Variants in GPR137C observed in about 807,000 individuals in gnomAD.
GPR137C encodes the protein integral membrane protein GPR137C.
Under a neutral mutation model 43.4 loss-of-function variants are expected in GPR137C, and 27 were observed. The ratio of observed to expected loss-of-function variants is 0.62; its 90% confidence interval spans 0.46 to 0.86. The LOEUF (loss-of-function observed/expected upper bound fraction) is 0.86, where lower values mean the gene tolerates loss of function less well. Among genes scored for constraint, GPR137C ranks in the 40% least tolerant of loss-of-function variants. GPR137C has a pLI of 0.00. For missense variants in GPR137C, 522 were observed against 534.6 expected, an observed-to-expected ratio of 0.98 and a Z score of 0.23; for synonymous variants, 285 against 226.9, an observed-to-expected ratio of 1.26 and a Z score of -2.30.
At chr14:52,613,509 C>T (rs889948558) in intron 3 of GPR137C, 3 of 154,806 alleles carry the variant, frequency 1.9e-5, no homozygotes, top group African/African-American at 7.2e-5. Context: ...CCCTCCACTA[C>T]CCTTCCCAAC....
intron 1 of GPR137C, among the ~76,000 whole-genome samples, chr14:52,558,847 G>GA (rs542282672): frequency 1.1e-3 from 164 of 151,854 alleles, no homozygotes; most frequent in African/African-American, 3.2e-3. Flanking sequence ...AAGATCTTAG[G>GA]AAAAAAAATC....
chr14:52,600,512 T>C (rs2038911649), intron 3 of GPR137C, among the ~76,000 whole-genome samples, 171 bp downstream of exon 3: 1 of 152,198 alleles, frequency 6.6e-6, no homozygotes, highest in Non-Finnish European at 1.5e-5. Context: ...TATTCACAGA[T>C]GCAATCATTG....
chr14:52,569,441 G>C (rs184538968), intron 1 of GPR137C, among the ~76,000 whole-genome samples: 1 of 151,812 alleles, frequency 6.6e-6, no homozygotes, highest in African/African-American at 2.4e-5. Context: ...TGGAGAATGA[G>C]TTTGACAAAT....
In GPR137C at chr14:52,559,253, G is replaced by A. The variant is rs554032116; in HGVS notation, c.444+5662G>A. On this transcript the variant is annotated intron_variant, in intron 1 of 6. Transcript: ENST00000321662. Reference sequence around the variant, plus strand: ...TAGCCCAGCATGGTGGCACGCGCCTGTAGTTCCAGCTACCCGGGAAGAGAG... The same window carrying A: ...TAGCCCAGCATGGTGGCACGCGCCTATAGTTCCAGCTACCCGGGAAGAGAG... 3.3e-5 allele frequency among the ~76,000 whole-genome samples: 5 copies of A among 152,156 alleles called. No individual in the cohort carries two copies. In the South Asian group the frequency reaches 6.2e-4, roughly 19 times the overall value.
chr14:52,613,698 C>A, intron 3 of GPR137C: 1 of 286,666 alleles, frequency 3.5e-6, no homozygotes, highest in African/African-American at 2.2e-5. Flanking sequence ...TTTCTTATGG[C>A]TGAATAGTAC....
At chr14:52,559,221 A>G (rs1056618586) in intron 1 of GPR137C, among the ~76,000 whole-genome samples, 1 of 152,118 alleles carries the variant, frequency 6.6e-6, no homozygotes, top group African/African-American at 2.4e-5. Flanking sequence ...CTAAAAATAT[A>G]AAAAATTAGC....
At chr14:52,570,276 C>A (rs568190445) in intron 1 of GPR137C, among the ~76,000 whole-genome samples, 2 of 152,228 alleles carry the variant, frequency 1.3e-5, no homozygotes. Context: ...AAATAAAATC[C>A]TTTACAGACA....
intron 3 of GPR137C, among the ~76,000 whole-genome samples, chr14:52,621,505 G>A (rs2039160462): frequency 6.6e-6 from 1 of 151,488 alleles, no homozygotes; most frequent in Non-Finnish European, 1.5e-5. Context: ...TAAATATGTG[G>A]GTAAATATGA....
chr14:52,560,431 C>T (rs2038263210), intron 1 of GPR137C, among the ~76,000 whole-genome samples: 1 of 152,092 alleles, frequency 6.6e-6, no homozygotes, highest in South Asian at 2.1e-4. Context: ...TATGCGTGGA[C>T]ATACGAGGGA....
chr14:52,607,738 G>A (rs573086624), intron 3 of GPR137C, among the ~76,000 whole-genome samples: 9 of 152,252 alleles, frequency 5.9e-5, no homozygotes, highest in Non-Finnish European at 1.3e-4. Context: ...AGCTGGGCAT[G>A]GTGGCGCATG....
chr14:52,565,852 C>A (rs1197078699), intron 1 of GPR137C, among the ~76,000 whole-genome samples: 1 of 152,122 alleles, frequency 6.6e-6, no homozygotes, highest in Non-Finnish European at 1.5e-5. Flanking sequence ...ATCTGGGAAC[C>A]AGAATTCTAG....
chr14:52,567,305 A>G (rs898902032), intron 1 of GPR137C, among the ~76,000 whole-genome samples: 1 of 152,182 alleles, frequency 6.6e-6, no homozygotes, highest in African/African-American at 2.4e-5. Context: ...AGAACATAAT[A>G]AGACTCAAAT....
rs962391707 is a variant in GPR137C at position 52,570,161 on chromosome 14, A to G, written c.444+16570A>G. On this transcript the variant is annotated intron_variant, in intron 1 of 6. Coordinates refer to ENST00000321662, the MANE Select transcript of GPR137C (RefSeq NM_001099652.2). The stretch of plus-strand genomic sequence containing the variant: ...CAGCATATCTCTCTGCAGAAACCCT[A>G]TAAGCCAGAAGAGAGTGGGGGCCAA... Among the ~76,000 whole-genome samples the G allele has an allele frequency of 3.9e-5, 6 of 152,246 alleles. No individual in the cohort carries two copies. In the East Asian group the frequency reaches 5.8e-4, roughly 15 times the overall value.
chr14:52,595,706 T>C (rs1300518140), intron 1 of GPR137C, among the ~76,000 whole-genome samples: 1 of 152,240 alleles, frequency 6.6e-6, no homozygotes, highest in Admixed American at 6.5e-5. Flanking sequence ...TTTATTCTAG[T>C]TAGCCATTCG....
Position 52,604,742 on chromosome 14 carries a change from A to G in GPR137C, c.717+4401A>G, listed in dbSNP as rs77350236. Among the ~76,000 whole-genome samples the G allele has an allele frequency of 5.0e-3, 760 of 152,174 alleles. 10 individuals are homozygous for G. Among genetic ancestry groups the G allele is most frequent in the Admixed American group, 0.035 (538 of 15,278 alleles). On this transcript the variant is annotated intron_variant, in intron 3 of 6. Coordinates refer to ENST00000321662, the MANE Select transcript of GPR137C (RefSeq NM_001099652.2). ...GGATTACAGGCATGAGCCATCGCGC[A>G]CAGCCAAAATGGGGCTGTTTAATTC...
In GPR137C at chr14:52,635,628, G is replaced by A. The variant is rs1457278967; in HGVS notation, c.*513G>A. On this transcript the variant is annotated 3_prime_UTR_variant, in exon 7 of 7. Transcript: ENST00000321662. ...CTTTATAAAAATCTACTGAAAATGT[G>A]TAATCATTGAAGACAGTTCTTTTAA... The A allele has an allele frequency of 6.6e-6, 1 of 152,136 alleles. No individual in the cohort carries two copies. The highest frequency in any genetic ancestry group is 6.6e-5 in the Admixed American group (1 of 15,258). 9.4% of individuals were successfully genotyped at this position (152,136 alleles called of 1,614,324 possible).
chr14:52,618,622 G>A (rs1252772205), intron 3 of GPR137C, among the ~76,000 whole-genome samples: 1 of 151,790 alleles, frequency 6.6e-6, no homozygotes, highest in Non-Finnish European at 1.5e-5. Context: ...CTTTTTATCA[G>A]TTATAAATCA....
intron 1 of GPR137C, among the ~76,000 whole-genome samples, chr14:52,558,347 A>G (rs762920908): frequency 2.0e-5 from 3 of 152,186 alleles, no homozygotes; most frequent in Non-Finnish European, 4.4e-5. Flanking sequence ...CAGCTAGGAA[A>G]ATAAGCAGGT....
chr14:52,613,908 T>C (rs2039067325), intron 3 of GPR137C, among the ~76,000 whole-genome samples: 1 of 152,186 alleles, frequency 6.6e-6, no homozygotes, highest in African/African-American at 2.4e-5. Flanking sequence ...GCTCTGTTTT[T>C]AGTTTTTTGA....
Sources: allele counts gnomAD v4.1 joint callset (sites outside exome capture counted in the v4.1 genomes callset), GRCh38; gene constraint gnomAD v4.1.1; transcripts MANE v1.5; gene names NCBI Gene and HGNC (gene_info 2026-07-23, HGNC 2026-07-21).